The following GATAD1 variants were observed in gnomAD, a reference collection of about 807,000 sequenced individuals.
The protein encoded by GATAD1 is GATA zinc finger domain containing 1, also known as GATA zinc finger domain-containing protein 1.
GATAD1 carries 12 observed loss-of-function variants against 26.5 expected under a neutral mutation model. The observed-to-expected ratio is 0.45, with a 90% CI of 0.29 to 0.73. The LOEUF is 0.73. Ranked by LOEUF, GATAD1 falls within the 30% of genes least tolerant of loss-of-function variation. The pLI is 0.10. For missense variants in GATAD1, 266 were observed against 342.1 expected, an observed-to-expected ratio of 0.78 and a Z score of 1.75; for synonymous variants, 129 against 133.1, an observed-to-expected ratio of 0.97 and a Z score of 0.21.
the GATAD1 span, among the ~76,000 whole-genome samples, chr7:92,492,517 G>A: frequency 5.9e-5 from 9 of 152,128 alleles, no homozygotes; most frequent in Non-Finnish European, 1.2e-4. Flanking sequence ...AGAATGATGA[G>A]GACATGTCAT....
the GATAD1 span, chr7:92,491,478 C>G: frequency 6.2e-7 from 1 of 1,611,836 alleles, no homozygotes; most frequent in Non-Finnish European, 8.5e-7. Context: ...AGACTTAGGT[C>G]ACTATCAGAG....
At chr7:92,460,946 C>G (rs908520615), downstream of GATAD1, among the ~76,000 whole-genome samples, 1 of 152,102 alleles carries the variant, frequency 6.6e-6, no homozygotes, top group African/African-American at 2.4e-5. Context: ...CACACACACA[C>G]GTTTGTTTGC....
the GATAD1 span, among the ~76,000 whole-genome samples, chr7:92,482,642 G>A: frequency 6.6e-6 from 1 of 152,080 alleles, no homozygotes; most frequent in Admixed American, 6.5e-5. Flanking sequence ...TTAAGGTGGG[G>A]GGATATGAGA....
chr7:92,470,000 GT>G, the GATAD1 span: 40 of 778,002 alleles, frequency 5.1e-5, no homozygotes, highest in Non-Finnish European at 7.7e-5. Context: ...TCTTTTACAT[GT>G]TTTTCTCTTG....
the GATAD1 span, chr7:92,494,751 T>G: frequency 1.8e-6 from 1 of 548,028 alleles, no homozygotes; most frequent in Non-Finnish European, 2.7e-6. Context: ...CTTCTTTTAA[T>G]TTTTACAACA....
At position 92,458,363 on chromosome 7, in the gene GATAD1, C is replaced by T. The variant is rs967310455; in HGVS notation, c.*1801C>T. On this transcript the variant is annotated 3_prime_UTR_variant, in exon 5 of 5. Coordinates refer to ENST00000287957, the MANE Select transcript of GATAD1 (RefSeq NM_021167.5). ...GATAGTCTCTTGACTACCATTAAAA[C>T]GAATATTGGGAGGTCATGAAAGTCA... 6.6e-6 allele frequency: 1 copy of T among 152,134 alleles called. No homozygotes were observed. Among genetic ancestry groups the T allele is most frequent in the South Asian group, 2.1e-4 (1 of 4,834 alleles). 9.4% of individuals were successfully genotyped at this position (152,134 alleles called of 1,614,324 possible). A position where few individuals can be genotyped will look rare whatever the true frequency, so the allele number is the denominator to read the frequency against.
At chr7:92,469,001 G>A in the GATAD1 span, 11 of 752,040 alleles carry the variant, frequency 1.5e-5, no homozygotes, top group Admixed American at 3.5e-5. Context: ...AAGAGGAGTA[G>A]CAATATTATA....
the GATAD1 span, among the ~76,000 whole-genome samples, chr7:92,475,562 G>C: frequency 6.6e-6 from 1 of 151,874 alleles, no homozygotes; most frequent in African/African-American, 2.4e-5. Context: ...CATTGCCTTT[G>C]TGCTCAGGGG....
At position 92,459,658 on chromosome 7, in the gene GATAD1, A is replaced by G. The variant is rs1388411919; in HGVS notation, c.*3096A>G. ...TTCTTTGAGAACTTTCCAGATTCCC[A>G]TGCCTTTTTGGAATCAATCTCTATC... On this transcript the variant is annotated 3_prime_UTR_variant, in exon 5 of 5. Transcript: ENST00000287957. Among the ~76,000 whole-genome samples, 3 of 152,194 alleles carry G rather than the reference A, an allele frequency of 2.0e-5. No individual in the cohort carries two copies. Among genetic ancestry groups the G allele is most frequent in the Non-Finnish European group, 2.9e-5 (2 of 68,022 alleles).
the GATAD1 span, among the ~76,000 whole-genome samples, chr7:92,474,359 G>A: frequency 7.9e-5 from 12 of 152,306 alleles, no homozygotes; most frequent in Non-Finnish European, 1.5e-4. Context: ...AGAGAGGCAC[G>A]CTTCCTCAAT....
the GATAD1 span, chr7:92,490,178 C>T: frequency 3.4e-5 from 16 of 471,724 alleles, no homozygotes; most frequent in Non-Finnish European, 5.7e-5. Flanking sequence ...AAATCCAACA[C>T]ACTAATGCCC....
downstream of GATAD1, among the ~76,000 whole-genome samples, chr7:92,462,320 A>G (rs764210492): frequency 1.3e-5 from 2 of 151,956 alleles, no homozygotes; most frequent in Non-Finnish European, 2.9e-5. Flanking sequence ...AGTTTATAAA[A>G]TGTTTAGTGT....
At chr7:92,452,089 A>G (rs769112608) in intron 3 of GATAD1, among the ~76,000 whole-genome samples, 56 of 152,384 alleles carry the variant, frequency 3.7e-4, no homozygotes, top group African/African-American at 5.3e-4. Flanking sequence ...TAAGCACTCA[A>G]TGAATAGTAG....
At position 92,458,150 on chromosome 7, in the gene GATAD1, G is replaced by GA; in HGVS notation, c.*1594dup. ...AGACTGTCTCAAAAAAGAAAAAAAA[G>GA]AAAAAATTTTAATTTAATCCTTCTG... On this transcript the variant is annotated 3_prime_UTR_variant, in exon 5 of 5. Coordinates refer to ENST00000287957, the MANE Select transcript of GATAD1 (RefSeq NM_021167.5). 6.7e-6 allele frequency: 1 copy of GA among 149,690 alleles called. No homozygotes were observed. The highest frequency in any genetic ancestry group is 1.5e-5 in the Non-Finnish European group (1 of 67,728). 9.3% of individuals were successfully genotyped at this position (149,690 alleles called of 1,614,324 possible).
Position 92,447,719 on chromosome 7 carries a change from A to C in GATAD1, c.-11A>C. On this transcript the variant is annotated 5_prime_UTR_variant, in exon 1 of 5. Coordinates refer to ENST00000287957, the MANE Select transcript of GATAD1 (RefSeq NM_021167.5). The stretch of plus-strand genomic sequence containing the variant: ...TCTCTGCGCCCGCGGGGGCCGCCCG[A>C]GCCGGCCACCATGCCGCTGGGCCTG... 6.9e-7 allele frequency: 1 copy of C among 1,457,838 alleles called. No homozygotes were observed. Among genetic ancestry groups the C allele is most frequent in the East Asian group, 3.0e-5 (1 of 32,960 alleles). 90.3% of individuals were successfully genotyped at this position (1,457,838 alleles called of 1,614,324 possible).
the GATAD1 span, chr7:92,487,467 G>A: frequency 6.4e-7 from 1 of 1,570,838 alleles, no homozygotes; most frequent in Non-Finnish European, 8.7e-7. Context: ...TTATGCTAAA[G>A]TTACTTTCTG....
rs1302198126 is a variant in GATAD1 at position 92,448,741 on chromosome 7, T to G, written c.250-11T>G. On this transcript the variant is annotated splice_polypyrimidine_tract_variant and intron_variant, in intron 1 of 4. Transcript: ENST00000287957. ...TTTCTCTTTTTGTTCTTTAATTTGT[T>G]TGTGTAACAGAGTAAGCAGGAAATT... 1 of 1,607,584 alleles carries G rather than the reference T, an allele frequency of 6.2e-7. No individual in the cohort carries two copies. The highest frequency in any genetic ancestry group is 8.5e-7 in the Non-Finnish European group (1 of 1,174,536).
chr7:92,474,381 T>A, the GATAD1 span, among the ~76,000 whole-genome samples: 1 of 152,198 alleles, frequency 6.6e-6, no homozygotes, highest in African/African-American at 2.4e-5. Flanking sequence ...CCTCCCTTAG[T>A]CTCTCCAGAA....
At chr7:92,469,417 G>A in the GATAD1 span, 1 of 771,520 alleles carries the variant, frequency 1.3e-6, no homozygotes, top group Non-Finnish European at 2.4e-6. Flanking sequence ...TATAACAAAA[G>A]GAAGAATGGG....
Sources: gnomAD v4.1 joint callset for allele counts (sites outside exome capture counted in the v4.1 genomes callset) on GRCh38, gnomAD v4.1.1 for gene constraint, MANE v1.5 for transcripts, NCBI Gene and HGNC (gene_info 2026-07-23, HGNC 2026-07-21) for gene names.